CDKAL1: variants seen among roughly 807,000 people sequenced by gnomAD.
The protein encoded by CDKAL1 is CDKAL1 threonylcarbamoyladenosine tRNA methylthiotransferase.
A neutral mutation model predicts 68.2 loss-of-function variants in CDKAL1; 32 were observed. That is an observed-to-expected ratio of 0.47 (90% CI 0.35 to 0.63). The LOEUF (loss-of-function observed/expected upper bound fraction) is 0.63. CDKAL1 is among the 30% of genes least tolerant of loss of function. The pLI, the probability that CDKAL1 is intolerant of heterozygous loss-of-function variation, is 0.00. For synonymous variants in CDKAL1, 234 were observed against 244.3 expected (o/e 0.96, Z 0.39); for missense variants, 606 against 696.7 (o/e 0.87, Z 1.47).
rs112905479 is a variant in CDKAL1 at position 21,124,526 on chromosome 6, T to G, written c.1299+16063T>G. On this transcript the variant is annotated intron_variant, in intron 13 of 15. Coordinates refer to ENST00000274695, the MANE Select transcript of CDKAL1 (RefSeq NM_017774.3). ...ATGAATATTACATCTCTCCAGCTAC[T>G]GAACCAAAACCAGAATGTCATCCTA... 3.9e-5 allele frequency among the ~76,000 whole-genome samples: 6 copies of G among 152,106 alleles called. No individual in the cohort carries two copies. The South Asian group carries it at 1.2e-3, about 32-fold the overall frequency.
intron 9 of CDKAL1, among the ~76,000 whole-genome samples, chr6:20,900,041 C>T (rs898471642): frequency 1.3e-5 from 2 of 152,198 alleles, no homozygotes; most frequent in African/African-American, 2.4e-5. Flanking sequence ...CTAGCACCCT[C>T]TGTTCTTACT....
chr6:21,201,023 C>A, intron 14 of CDKAL1, 87 bp from the exon 15 acceptor site: 3 of 1,252,526 alleles, frequency 2.4e-6, no homozygotes, highest in Non-Finnish European at 2.2e-6. Context: ...TCCATACTAT[C>A]TTTGCAATAA....
intron 6 of CDKAL1, among the ~76,000 whole-genome samples, chr6:20,748,660 A>G (rs113939169): frequency 0.011 from 1,654 of 151,018 alleles, 26 homozygotes; most frequent in African/African-American, 0.038. Context: ...TGGGAACAGA[A>G]TAGAGAGCCT....
At chr6:21,154,597 A>G (rs1436161765) in intron 13 of CDKAL1, among the ~76,000 whole-genome samples, 1 of 152,208 alleles carries the variant, frequency 6.6e-6, no homozygotes, top group Non-Finnish European at 1.5e-5. Flanking sequence ...TGTTTTAATC[A>G]TTTGACTCTT....
rs1412267065 is a variant in CDKAL1 at position 20,846,056 on chromosome 6, A to G, written c.639-19A>G. ...ATCTTTAGAAATTTGAGTCTTATTT[A>G]TTGTTATCATTTGAACAGGTGTCTC... On this transcript the variant is annotated intron_variant, in intron 8 of 15. Coordinates refer to ENST00000274695, the MANE Select transcript of CDKAL1 (RefSeq NM_017774.3). The G allele has an allele frequency of 4.6e-6, 7 of 1,522,418 alleles. No individual in the cohort carries two copies. The African/African-American group carries it at 9.7e-5, about 21-fold the overall frequency. 94.3% of individuals were successfully genotyped at this position (1,522,418 alleles called of 1,614,324 possible).
intron 4 of CDKAL1, among the ~76,000 whole-genome samples, chr6:20,565,141 A>C (rs1187492868): frequency 6.6e-6 from 1 of 151,230 alleles, no homozygotes; most frequent in Non-Finnish European, 1.5e-5. Flanking sequence ...AAAGCTATCT[A>C]TATATATATA....
intron 10 of CDKAL1, among the ~76,000 whole-genome samples, chr6:20,970,968 C>T (rs1765566069): frequency 6.6e-6 from 1 of 152,220 alleles, no homozygotes; most frequent in East Asian, 1.9e-4. Flanking sequence ...CCTGCCTCAG[C>T]CTCCCGAGTA....
At chr6:20,923,905 G>C (rs886599998) in intron 9 of CDKAL1, among the ~76,000 whole-genome samples, 2 of 152,070 alleles carry the variant, frequency 1.3e-5, no homozygotes, top group Admixed American at 6.6e-5. Context: ...CTAGCTACCA[G>C]GGAGGCTGAA....
intron 11 of CDKAL1, 48 bp from the exon 12 acceptor site, chr6:21,065,000 T>G (rs1302894815): frequency 7.0e-6 from 8 of 1,137,962 alleles, no homozygotes; most frequent in Non-Finnish European, 9.9e-6. Flanking sequence ...AATAGAATAA[T>G]TATGGCTTAT....
chr6:21,206,283 GA>G (rs1259420063), intron 15 of CDKAL1, among the ~76,000 whole-genome samples: 6 of 152,120 alleles, frequency 3.9e-5, no homozygotes, highest in African/African-American at 1.4e-4. Context: ...GAGAGAGAGG[GA>G]AAAAAATGAG....
Position 20,666,872 on chromosome 6 carries a change from C to T in CDKAL1, c.371+17495C>T, listed in dbSNP as rs755259104. ...ATTTAGCTCTTCTAGTATCATCTTA[C>T]CACTGGAACAGCATGTACCATTTGC... On this transcript the variant is annotated intron_variant, in intron 5 of 15. Coordinates refer to ENST00000274695, the MANE Select transcript of CDKAL1 (RefSeq NM_017774.3). Among the ~76,000 whole-genome samples the T allele has an allele frequency of 3.0e-4, 45 of 152,156 alleles. No individual in the cohort carries two copies. In the Middle Eastern group the frequency reaches 0.01, roughly 35 times the overall value.
intron 11 of CDKAL1, among the ~76,000 whole-genome samples, chr6:21,003,815 T>G (rs1373590232): frequency 6.6e-6 from 1 of 152,190 alleles, no homozygotes; most frequent in Non-Finnish European, 1.5e-5. Flanking sequence ...GGCCTAACAC[T>G]ATCATGTTGC....
chr6:21,115,518 A>G (rs892829357), intron 13 of CDKAL1, among the ~76,000 whole-genome samples: 6 of 152,268 alleles, frequency 3.9e-5, no homozygotes, highest in Non-Finnish European at 8.8e-5. Flanking sequence ...TGTTTATGCC[A>G]TGCTTAAAAC....
chr6:21,156,215 G>T (rs1326098198), intron 13 of CDKAL1, among the ~76,000 whole-genome samples: 2 of 152,042 alleles, frequency 1.3e-5, no homozygotes, highest in East Asian at 3.9e-4. Context: ...GAGCTCAGGA[G>T]TTTGAGACCA....
intron 5 of CDKAL1, among the ~76,000 whole-genome samples, chr6:20,694,194 A>G (rs1771011165): frequency 6.6e-6 from 1 of 152,038 alleles, no homozygotes; most frequent in African/African-American, 2.4e-5. Context: ...ACAAACAAAC[A>G]AACAAGCAAA....
At chr6:21,101,847 A>T (rs2150983995) in intron 12 of CDKAL1, among the ~76,000 whole-genome samples, 1 of 151,306 alleles carries the variant, frequency 6.6e-6, no homozygotes, top group Middle Eastern at 3.4e-3. Flanking sequence ...CCCTCTCTGT[A>T]CTCCTATCTA....
At chr6:20,942,230 C>T (rs1764003851) in intron 9 of CDKAL1, among the ~76,000 whole-genome samples, 1 of 152,132 alleles carries the variant, frequency 6.6e-6, no homozygotes, top group Non-Finnish European at 1.5e-5. Flanking sequence ...TATTTTACTA[C>T]ATCATTTATA....
At chr6:20,904,616 C>T (rs557508548) in intron 9 of CDKAL1, among the ~76,000 whole-genome samples, 29 of 152,030 alleles carry the variant, frequency 1.9e-4, no homozygotes, top group African/African-American at 6.8e-4. Flanking sequence ...ATGGAGAAAC[C>T]CCATCTCTAC....
At chr6:20,934,067 C>T (rs778352950) in intron 9 of CDKAL1, among the ~76,000 whole-genome samples, 7 of 151,896 alleles carry the variant, frequency 4.6e-5, no homozygotes, top group Non-Finnish European at 1.0e-4. Context: ...AAATAGATTT[C>T]GATTGACACA....
Sources: allele counts gnomAD v4.1 joint callset (sites outside exome capture counted in the v4.1 genomes callset), GRCh38; gene constraint gnomAD v4.1.1; transcripts MANE v1.5; gene names NCBI Gene and HGNC (gene_info 2026-07-23, HGNC 2026-07-21).